The following HDAC9 variants were observed in gnomAD, a reference collection of about 807,000 sequenced individuals.
The protein encoded by HDAC9 is MEF-2 interacting transcription repressor (MITR) protein.
A neutral mutation model predicts 139.4 loss-of-function variants in HDAC9; 41 were observed. The ratio of observed to expected loss-of-function variants is 0.29; its 90% CI spans 0.23 to 0.38. The LOEUF is 0.38. Among genes scored for constraint, HDAC9 ranks in the 10% least tolerant of loss-of-function variants. The pLI, the probability that HDAC9 is intolerant of heterozygous loss-of-function variation, is 1.00. For missense variants in HDAC9, 1,147 were observed against 1,297.0 expected (o/e 0.88, Z 1.78); for synonymous variants, 517 against 476.2 (o/e 1.09, Z -1.12).
chr7:18,635,508 AGC>A (rs1035415349), intron 8 of HDAC9, among the ~76,000 whole-genome samples: 26 of 152,214 alleles, frequency 1.7e-4, no homozygotes, highest in African/African-American at 6.3e-4. Context: ...TGTAAAAGTC[AGC>A]AAGAATTTGT....
At chr7:18,738,244 A>T (rs1277401706) in intron 13 of HDAC9, among the ~76,000 whole-genome samples, 1 of 152,186 alleles carries the variant, frequency 6.6e-6, no homozygotes, top group Non-Finnish European at 1.5e-5. Flanking sequence ...TAATTGGGGC[A>T]GTTAGCCCAT....
At chr7:18,391,389 C>T (rs55697138) in intron 1 of HDAC9, among the ~76,000 whole-genome samples, 1 of 150,228 alleles carries the variant, frequency 6.7e-6, no homozygotes, top group Non-Finnish European at 1.5e-5. Context: ...CATCCCCCCC[C>T]CAAAAAAAAA....
chr7:18,928,453 G>A (rs946930542), intron 22 of HDAC9, among the ~76,000 whole-genome samples: 5 of 152,176 alleles, frequency 3.3e-5, no homozygotes, highest in African/African-American at 1.2e-4. Context: ...AAAAGAGCAA[G>A]GCTTCTTCCA....
At chr7:18,356,864 T>TA (rs2128682547) in intron 1 of HDAC9, among the ~76,000 whole-genome samples, 1 of 152,306 alleles carries the variant, frequency 6.6e-6, no homozygotes, top group Admixed American at 6.5e-5. Flanking sequence ...TAAGAATTTT[T>TA]AAAGTTGTAA....
chr7:18,274,974 C>T (rs747201941), intron 2 of HDAC9, among the ~76,000 whole-genome samples: 3 of 152,138 alleles, frequency 2.0e-5, no homozygotes, highest in Non-Finnish European at 4.4e-5. Context: ...CTGTGAATGC[C>T]ATTTACGTGA....
intron 12 of HDAC9, among the ~76,000 whole-genome samples, chr7:18,723,000 A>C (rs1481184643): frequency 6.6e-6 from 1 of 152,174 alleles, no homozygotes; most frequent in Non-Finnish European, 1.5e-5. Context: ...ATGAAAGTTC[A>C]AAGGAAAAAT....
intron 2 of HDAC9, among the ~76,000 whole-genome samples, chr7:18,210,444 T>G (rs1791856946): frequency 6.6e-6 from 1 of 152,212 alleles, no homozygotes; most frequent in African/African-American, 2.4e-5. Flanking sequence ...CCATAACTTT[T>G]AATATTTTTC....
At chr7:18,516,472 G>A (rs1803220910) in intron 2 of HDAC9, among the ~76,000 whole-genome samples, 1 of 152,108 alleles carries the variant, frequency 6.6e-6, no homozygotes, top group African/African-American at 2.4e-5. Flanking sequence ...CTTAAGAACA[G>A]AAACAGGGAA....
At chr7:18,648,325 A>G in intron 10 of HDAC9, 141 bp from the exon 11 acceptor site, 1 of 709,884 alleles carries the variant, frequency 1.4e-6, no homozygotes, top group Non-Finnish European at 2.3e-6. Context: ...TGGTAGCATC[A>G]CTAATTCACT....
intron 22 of HDAC9, among the ~76,000 whole-genome samples, chr7:18,920,241 T>C (rs1803573973): frequency 6.6e-6 from 1 of 152,174 alleles, no homozygotes; most frequent in Admixed American, 6.6e-5. Context: ...TCCTAGGTGT[T>C]TTATTCTCTT....
chr7:18,320,318 G>T (rs532228769), intron 1 of HDAC9, among the ~76,000 whole-genome samples: 1 of 152,164 alleles, frequency 6.6e-6, no homozygotes, highest in Non-Finnish European at 1.5e-5. Context: ...CCTCCACAAG[G>T]CTTCGAAATC....
intron 1 of HDAC9, among the ~76,000 whole-genome samples, chr7:18,108,251 G>A (rs1562627418): frequency 6.6e-6 from 1 of 152,204 alleles, no homozygotes; most frequent in African/African-American, 2.4e-5. Context: ...TTGACGGTTG[G>A]AAGTCTGTGG....
At chr7:18,749,395 A>G (rs1274052320) in intron 14 of HDAC9, among the ~76,000 whole-genome samples, 1 of 152,196 alleles carries the variant, frequency 6.6e-6, no homozygotes, top group Non-Finnish European at 1.5e-5. Flanking sequence ...TTACATATAC[A>G]TGGTAGCACT....
At chr7:18,680,423 T>C (rs887286807) in intron 12 of HDAC9, among the ~76,000 whole-genome samples, 3 of 152,002 alleles carry the variant, frequency 2.0e-5, no homozygotes, top group Non-Finnish European at 2.9e-5. Context: ...CTTAAAGCAA[T>C]CAGAATATTA....
intron 1 of HDAC9, among the ~76,000 whole-genome samples, chr7:18,363,670 C>T (rs1394523562): frequency 1.3e-5 from 2 of 152,068 alleles, no homozygotes; most frequent in African/African-American, 2.4e-5. Context: ...TAATTTGCCC[C>T]TCAGAAGTGC....
intron 22 of HDAC9, among the ~76,000 whole-genome samples, chr7:18,921,303 G>A (rs920110994): frequency 1.3e-5 from 2 of 152,026 alleles, no homozygotes; most frequent in South Asian, 2.1e-4. Context: ...GCAACCTACA[G>A]AATGGGAGAA....
chr7:18,941,775 G>A (rs1444677410), intron 23 of HDAC9, among the ~76,000 whole-genome samples: 2 of 152,060 alleles, frequency 1.3e-5, no homozygotes, highest in African/African-American at 4.8e-5. Flanking sequence ...AAAACTGTTT[G>A]GGGAAAATAT....
At chr7:18,733,957 T>C (rs1786642534) in intron 13 of HDAC9, among the ~76,000 whole-genome samples, 4 of 152,218 alleles carry the variant, frequency 2.6e-5, no homozygotes, top group African/African-American at 9.6e-5. Context: ...AAAAAAATCA[T>C]CTTTGTGATA....
intron 17 of HDAC9, among the ~76,000 whole-genome samples, chr7:18,811,886 G>A (rs1794202182): frequency 6.6e-6 from 1 of 151,392 alleles, no homozygotes; most frequent in African/African-American, 2.4e-5. Flanking sequence ...AAGAGAGAGA[G>A]ACAAAATATG....
Sources: gnomAD v4.1 joint callset for allele counts (sites outside exome capture counted in the v4.1 genomes callset) on GRCh38, gnomAD v4.1.1 for gene constraint, MANE v1.5 for transcripts, NCBI Gene and HGNC (gene_info 2026-07-23, HGNC 2026-07-21) for gene names.